Variants in DDX10 observed in about 807,000 individuals in gnomAD.
DDX10 encodes the protein DEAD-box helicase 10.
Under a neutral mutation model 104.3 loss-of-function variants are expected in DDX10, and 74 were observed. The ratio of observed to expected loss-of-function variants is 0.71; its 90% CI spans 0.59 to 0.86. The LOEUF (loss-of-function observed/expected upper bound fraction) is 0.86. DDX10 is among the 40% of genes least tolerant of loss of function. The pLI is 0.00. For synonymous variants in DDX10, 351 were observed against 353.4 expected (o/e 0.99, Z 0.08); for missense variants, 952 against 1,040.0 (o/e 0.92, Z 1.16).
At chr11:108,788,809 C>G (rs568364050) in intron 13 of DDX10, among the ~76,000 whole-genome samples, 2 of 152,272 alleles carry the variant, frequency 1.3e-5, no homozygotes, top group South Asian at 4.1e-4. Flanking sequence ...CTCTTTTGTA[C>G]TTTGGTTCTT....
chr11:108,723,521 T>C, intron 13 of DDX10, 59 bp downstream of exon 13: 1 of 1,499,106 alleles, frequency 6.7e-7, no homozygotes, highest in Non-Finnish European at 8.9e-7. Context: ...TGCTTATTGT[T>C]GCCTTTTGGG....
intron 13 of DDX10, among the ~76,000 whole-genome samples, chr11:108,742,529 C>G (rs1239677996): frequency 6.6e-6 from 1 of 151,220 alleles, no homozygotes; most frequent in Non-Finnish European, 1.5e-5. Context: ...CGCGCCATTG[C>G]ATGCCAGCCT....
intron 13 of DDX10, among the ~76,000 whole-genome samples, chr11:108,751,393 C>T (rs1455590507): frequency 2.6e-5 from 4 of 151,996 alleles, no homozygotes; most frequent in African/African-American, 4.8e-5. Flanking sequence ...ATGAAACTTT[C>T]CATGAGTTTG....
intron 13 of DDX10, among the ~76,000 whole-genome samples, chr11:108,788,327 C>T (rs2134545765): frequency 6.6e-6 from 1 of 152,030 alleles, no homozygotes; most frequent in African/African-American, 2.4e-5. Flanking sequence ...TACAGAGGAT[C>T]ATGACTCTAT....
At chr11:108,830,763 G>A (rs539630889) in intron 13 of DDX10, among the ~76,000 whole-genome samples, 2 of 152,106 alleles carry the variant, frequency 1.3e-5, no homozygotes, top group African/African-American at 4.8e-5. Flanking sequence ...ATCATAAAGG[G>A]GTGATGGATT....
At chr11:108,835,445 G>A (rs1306958227) in intron 13 of DDX10, among the ~76,000 whole-genome samples, 1 of 152,250 alleles carries the variant, frequency 6.6e-6, no homozygotes, top group South Asian at 2.1e-4. Flanking sequence ...TAGAAGTCTT[G>A]TGATGTGTAT....
Position 108,940,485 on chromosome 11 carries a change from A to G in DDX10, c.*62A>G. 1 of 1,565,500 alleles carries G rather than the reference A, an allele frequency of 6.4e-7. No homozygotes were observed. On this transcript the variant is annotated 3_prime_UTR_variant, in exon 18 of 18. Coordinates refer to ENST00000322536, the MANE Select transcript of DDX10 (RefSeq NM_004398.4). ...TTATGACTGCGTAGGCAAGAAGTTG[A>G]AAAACAGTTGATTTGGGGGCACTTA...
intron 16 of DDX10, among the ~76,000 whole-genome samples, chr11:108,907,161 A>G (rs1030973207): frequency 1.6e-4 from 24 of 151,904 alleles, no homozygotes; most frequent in African/African-American, 5.1e-4. Flanking sequence ...CCTTCAGTCA[A>G]ATATCCCCAT....
intron 9 of DDX10, among the ~76,000 whole-genome samples, chr11:108,700,584 A>G (rs1237285092): frequency 6.6e-6 from 1 of 152,214 alleles, no homozygotes; most frequent in Non-Finnish European, 1.5e-5. Flanking sequence ...ATGAAGACGA[A>G]CTAGTATATG....
intron 12 of DDX10, among the ~76,000 whole-genome samples, chr11:108,720,574 T>C (rs906377031): frequency 6.6e-6 from 1 of 152,148 alleles, no homozygotes; most frequent in South Asian, 2.1e-4. Flanking sequence ...TGGTTTTGTT[T>C]TGGCTTAGTA....
At chr11:108,709,651 T>G (rs968210537) in intron 10 of DDX10, among the ~76,000 whole-genome samples, 1 of 152,216 alleles carries the variant, frequency 6.6e-6, no homozygotes, top group African/African-American at 2.4e-5. Flanking sequence ...TAATAATAAC[T>G]TGTATCCTTT....
intron 13 of DDX10, among the ~76,000 whole-genome samples, chr11:108,765,460 A>T (rs1022360183): frequency 1.3e-5 from 2 of 152,240 alleles, no homozygotes; most frequent in Non-Finnish European, 2.9e-5. Flanking sequence ...AGAGACTATT[A>T]GTTTTAAGGT....
chr11:108,790,999 A>G (rs955502243), intron 13 of DDX10, among the ~76,000 whole-genome samples: 5 of 152,330 alleles, frequency 3.3e-5, no homozygotes, highest in Middle Eastern at 3.4e-3. Flanking sequence ...CACACATTCT[A>G]CTTTATAATG....
intron 11 of DDX10, 89 bp downstream of exon 11, chr11:108,716,055 C>G: frequency 1.3e-6 from 1 of 750,356 alleles, no homozygotes; most frequent in Non-Finnish European, 2.3e-6. Flanking sequence ...CATGTTTATG[C>G]TTCAGATATT....
intron 16 of DDX10, among the ~76,000 whole-genome samples, chr11:108,874,881 G>T (rs893139676): frequency 2.0e-5 from 3 of 152,002 alleles, no homozygotes; most frequent in Non-Finnish European, 4.4e-5. Context: ...CTTTATTGGT[G>T]AAAAAGAGGC....
intron 13 of DDX10, among the ~76,000 whole-genome samples, chr11:108,784,800 T>C (rs1014070416): frequency 6.6e-6 from 1 of 152,206 alleles, no homozygotes; most frequent in South Asian, 2.1e-4. Context: ...TTCTAGGTTA[T>C]CTTCTAGGAT....
At position 108,940,278 on chromosome 11, in the gene DDX10, G is replaced by C. The variant is rs1424113228; in HGVS notation, c.2483G>C (p.Arg828Thr). 6.2e-7 allele frequency: 1 copy of C among 1,613,914 alleles called. No homozygotes were observed. The highest frequency in any genetic ancestry group is 8.5e-7 in the Non-Finnish European group (1 of 1,180,000). Residue 828 changes from arginine (R) to threonine (T), a missense_variant, in exon 18 of 18, where the codon AGG becomes ACG. Coordinates refer to ENST00000322536, the MANE Select transcript of DDX10 (RefSeq NM_004398.4). ...AAGAAGAAGCAGGGGATGAAGAAGAGGAGCAACAGTGAAGTGGAAGACGTG... is the reference window on the plus strand; with the variant it reads ...AAGAAGAAGCAGGGGATGAAGAAGACGAGCAACAGTGAAGTGGAAGACGTG... Reference protein sequence around the residue: ...DTKKKQGMKKRSNSEVEDVGP... With the variant: ...DTKKKQGMKKTSNSEVEDVGP...
intron 16 of DDX10, among the ~76,000 whole-genome samples, chr11:108,903,008 C>T (rs145405449): frequency 1.9e-4 from 29 of 152,104 alleles, no homozygotes; most frequent in African/African-American, 7.0e-4. Context: ...ATAGAGTTAC[C>T]ATACAACCCA....
intron 13 of DDX10, among the ~76,000 whole-genome samples, chr11:108,820,036 T>C (rs532304676): frequency 6.3e-4 from 96 of 152,290 alleles, no homozygotes; most frequent in African/African-American, 2.2e-3. Context: ...GCTTCAAAGC[T>C]CAAGAAGATA....
Sources: gnomAD v4.1 joint callset for allele counts (sites outside exome capture counted in the v4.1 genomes callset) on GRCh38, gnomAD v4.1.1 for gene constraint, MANE v1.5 for transcripts, NCBI Gene and HGNC (gene_info 2026-07-23, HGNC 2026-07-21) for gene names.